The following ERC2 variants were observed in gnomAD, a reference collection of about 807,000 sequenced individuals.
ERC2 encodes the protein ERC protein 2.
ERC2 carries 42 observed loss-of-function variants against 114.8 expected under a neutral mutation model. That is an observed-to-expected ratio of 0.37 (90% CI 0.29 to 0.47). The LOEUF (loss-of-function observed/expected upper bound fraction) is 0.47, where lower values mean the gene tolerates loss of function less well. Ranked by LOEUF, ERC2 falls within the 20% of genes least tolerant of loss-of-function variation. The pLI is 0.99. For synonymous variants in ERC2, 454 were observed against 425.5 expected (o/e 1.07, Z -0.82); for missense variants, 939 against 1,150.7 (o/e 0.82, Z 2.66).
intron 3 of ERC2, among the ~76,000 whole-genome samples, chr3:56,218,604 T>C (rs959621433): frequency 1.1e-4 from 16 of 152,168 alleles, no homozygotes; most frequent in African/African-American, 3.6e-4. Flanking sequence ...GATCTAGAAC[T>C]AGAAATACCA....
At chr3:55,750,643 T>A (rs938745563) in intron 14 of ERC2, among the ~76,000 whole-genome samples, 5 of 151,764 alleles carry the variant, frequency 3.3e-5, no homozygotes, top group African/African-American at 1.2e-4. Flanking sequence ...AAGTGTCTGA[T>A]TGAGAGTTGA....
At chr3:56,075,393 T>C (rs917467908) in intron 7 of ERC2, among the ~76,000 whole-genome samples, 13 of 152,120 alleles carry the variant, frequency 8.5e-5, no homozygotes, top group African/African-American at 3.1e-4. Flanking sequence ...ATCAAAGTGG[T>C]GTTTGCCTTC....
intron 13 of ERC2, among the ~76,000 whole-genome samples, chr3:55,905,127 CTGCAGTGCAGT>C (rs1159536883): frequency 2.6e-5 from 4 of 152,230 alleles, no homozygotes; most frequent in Non-Finnish European, 2.9e-5. Context: ...GTTGCCCAAG[CTGCAGTGCAGT>C]GGCTCAATCT....
At chr3:56,011,606 AACACACACACACACAC>A (rs3076645) in intron 8 of ERC2, among the ~76,000 whole-genome samples, 3 of 148,706 alleles carry the variant, frequency 2.0e-5, no homozygotes, top group East Asian at 2.0e-4. Context: ...AAGAAACTTA[AACACACACACACACAC>A]ACACACACAC....
chr3:55,691,178 T>C (rs911518452), intron 16 of ERC2, among the ~76,000 whole-genome samples: 5 of 152,148 alleles, frequency 3.3e-5, no homozygotes, highest in Non-Finnish European at 7.3e-5. Flanking sequence ...TCTAGTAGTT[T>C]TGGGGATTTT....
intron 7 of ERC2, among the ~76,000 whole-genome samples, chr3:56,034,289 AAT>A (rs113368267): frequency 3.3e-5 from 5 of 151,160 alleles, no homozygotes; most frequent in African/African-American, 4.8e-5. Context: ...AACAACTATA[AAT>A]ATATATATAT....
chr3:55,601,019 C>T (rs957762797), intron 17 of ERC2, among the ~76,000 whole-genome samples: 11 of 152,210 alleles, frequency 7.2e-5, no homozygotes, highest in African/African-American at 2.2e-4. Context: ...AGTGCCAAAG[C>T]AGGTTCGCAC....
intron 13 of ERC2, among the ~76,000 whole-genome samples, chr3:55,942,519 G>A (rs988100529): frequency 8.0e-5 from 12 of 149,442 alleles, no homozygotes; most frequent in African/African-American, 2.7e-4. Flanking sequence ...GGATGGTCTC[G>A]ATCTCCTGAC....
chr3:55,732,637 T>C (rs78812966), intron 15 of ERC2, among the ~76,000 whole-genome samples: 3,377 of 152,232 alleles, frequency 0.022, 88 homozygotes, highest in African/African-American at 0.062. Context: ...AATTCCTTAC[T>C]GGGAAAAGTA....
chr3:55,718,111 G>C (rs1371415683), intron 15 of ERC2, among the ~76,000 whole-genome samples: 1 of 152,160 alleles, frequency 6.6e-6, no homozygotes, highest in Non-Finnish European at 1.5e-5. Flanking sequence ...TACCCAAGCA[G>C]TGAAAAATTG....
At chr3:55,925,232 G>A (rs1224904105) in intron 13 of ERC2, among the ~76,000 whole-genome samples, 2 of 152,128 alleles carry the variant, frequency 1.3e-5, no homozygotes, top group Non-Finnish European at 2.9e-5. Flanking sequence ...GGCATTGAAT[G>A]TCCCAATAAA....
intron 13 of ERC2, among the ~76,000 whole-genome samples, chr3:55,904,366 C>T (rs967534339): frequency 4.6e-5 from 7 of 152,184 alleles, no homozygotes; most frequent in African/African-American, 1.7e-4. Flanking sequence ...AAGATGCCCC[C>T]TGATCGAAAA....
At chr3:56,087,885 C>T (rs1478495894) in intron 6 of ERC2, among the ~76,000 whole-genome samples, 2 of 152,076 alleles carry the variant, frequency 1.3e-5, no homozygotes, top group Admixed American at 1.3e-4. Context: ...GTTGGAAGTA[C>T]GCATAATGTA....
At chr3:55,536,691 C>G (rs1004880831) in intron 17 of ERC2, among the ~76,000 whole-genome samples, 2 of 152,202 alleles carry the variant, frequency 1.3e-5, no homozygotes, top group Non-Finnish European at 2.9e-5. Context: ...TAAGGGGCTA[C>G]ACTAAACAAA....
At chr3:55,919,344 A>G (rs995560491) in intron 13 of ERC2, among the ~76,000 whole-genome samples, 4 of 152,288 alleles carry the variant, frequency 2.6e-5, no homozygotes, top group Admixed American at 2.6e-4. Context: ...ATGCCACTGC[A>G]CTCCAATCTA....
At chr3:55,550,855 A>C (rs534682009) in intron 17 of ERC2, among the ~76,000 whole-genome samples, 1 of 151,976 alleles carries the variant, frequency 6.6e-6, no homozygotes, top group Admixed American at 6.5e-5. Context: ...TCTCTACTAA[A>C]AATACAAAAA....
intron 2 of ERC2, among the ~76,000 whole-genome samples, chr3:56,364,597 A>T (rs1030462545): frequency 1.3e-5 from 2 of 152,182 alleles, no homozygotes; most frequent in Non-Finnish European, 2.9e-5. Flanking sequence ...AACAGAGATT[A>T]CCTCTGGATG....
In ERC2 at chr3:56,395,923, C is replaced by A. The variant is rs147783654; in HGVS notation, c.657+38428G>T. 1.9e-3 allele frequency among the ~76,000 whole-genome samples: 284 copies of A among 152,286 alleles called. 1 individual carries two copies. Among genetic ancestry groups the A allele is most frequent in the African/African-American group, 6.4e-3 (266 of 41,562 alleles). On this transcript the variant is annotated intron_variant, in intron 2 of 17. Transcript: ENST00000288221. ...CAGTGGGTTAGTATCTCCCTTTTTA[C>A]GTGAACAGACGGTTCACCAGAGAGG...
intron 17 of ERC2, among the ~76,000 whole-genome samples, chr3:55,537,227 G>A (rs927150972): frequency 1.3e-5 from 2 of 152,162 alleles, no homozygotes; most frequent in African/African-American, 2.4e-5. Context: ...GCCATGCTGG[G>A]TGCCACAAGC....
Sources: gnomAD v4.1 joint callset for allele counts (sites outside exome capture counted in the v4.1 genomes callset) on GRCh38, gnomAD v4.1.1 for gene constraint, MANE v1.5 for transcripts, NCBI Gene and HGNC (gene_info 2026-07-23, HGNC 2026-07-21) for gene names.